TMEM123: variants seen among roughly 807,000 people sequenced by gnomAD.
TMEM123 encodes transmembrane protein 123.
In TMEM123, 16 loss-of-function variants were observed where a neutral mutation model predicts 19.7. The ratio of observed to expected loss-of-function variants is 0.81; its 90% CI spans 0.55 to 1.23. The LOEUF (loss-of-function observed/expected upper bound fraction) is 1.23, where lower values mean the gene tolerates loss of function less well. TMEM123 is among the 50% of genes most tolerant of loss of function. TMEM123 has a pLI of 0.00. For synonymous variants in TMEM123, 118 were observed against 99.4 expected, an observed-to-expected ratio of 1.19 and a Z score of -1.12; for missense variants, 313 against 257.8, an observed-to-expected ratio of 1.21 and a Z score of -1.47.
rs568394920 is a variant in TMEM123 at position 102,442,436 on chromosome 11, C to T, written c.157+6376G>A. 8.5e-4 allele frequency among the ~76,000 whole-genome samples: 130 copies of T among 152,132 alleles called. 1 individual carries two copies. Among genetic ancestry groups the T allele is most frequent in the South Asian group, 1.5e-3 (7 of 4,816 alleles). Reference sequence around the variant, plus strand: ...TAATCCAGCATATAAACAGAACCAACGACAAAAACCACATGATAATCTGAA... The same window carrying T: ...TAATCCAGCATATAAACAGAACCAATGACAAAAACCACATGATAATCTGAA... On this transcript the variant is annotated intron_variant, in intron 2 of 4. Coordinates refer to ENST00000398136, the MANE Select transcript of TMEM123 (RefSeq NM_052932.3).
chr11:102,447,458 C>T (rs1857895850), intron 2 of TMEM123, among the ~76,000 whole-genome samples: 1 of 152,174 alleles, frequency 6.6e-6, no homozygotes, highest in South Asian at 2.1e-4. Flanking sequence ...ACCTACCTCA[C>T]CACTGTTAAA....
intron 2 of TMEM123, among the ~76,000 whole-genome samples, chr11:102,421,936 T>C (rs1952090489): frequency 6.6e-6 from 1 of 152,238 alleles, no homozygotes; most frequent in Admixed American, 6.5e-5. Context: ...ATAAATGCCC[T>C]GAAGTGCTGT....
chr11:102,426,606 G>A lies in TMEM123; in HGVS notation c.157+22206C>T, dbSNP rs140774229. ...ACAAAACAAAAAGCTTAAAACCCTTGAGTGGAAAGTTATCTAAGAGCAATT... is the reference window on the plus strand; with the variant it reads ...ACAAAACAAAAAGCTTAAAACCCTTAAGTGGAAAGTTATCTAAGAGCAATT... On this transcript the variant is annotated intron_variant, in intron 2 of 4. Coordinates refer to ENST00000398136, the MANE Select transcript of TMEM123 (RefSeq NM_052932.3). Among the ~76,000 whole-genome samples the A allele has an allele frequency of 1.1e-4, 16 of 152,170 alleles. No homozygotes were observed. In the East Asian group the frequency reaches 3.1e-3, roughly 29 times the overall value.
At chr11:102,399,654 A>T (rs1338051432) in intron 4 of TMEM123, among the ~76,000 whole-genome samples, 2 of 152,198 alleles carry the variant, frequency 1.3e-5, no homozygotes, top group Admixed American at 6.5e-5. Flanking sequence ...ATGCAACGTA[A>T]CTTTAAATAT....
intron 1 of TMEM123, among the ~76,000 whole-genome samples, chr11:102,451,786 C>A (rs1259770225): frequency 6.6e-6 from 1 of 152,252 alleles, no homozygotes; most frequent in African/African-American, 2.4e-5. Context: ...GCAAAGTCAA[C>A]ATCATCCTGT....
intron 2 of TMEM123, among the ~76,000 whole-genome samples, chr11:102,413,242 A>T (rs1952018938): frequency 6.6e-6 from 1 of 152,238 alleles, no homozygotes; most frequent in Non-Finnish European, 1.5e-5. Context: ...CTTATACTTC[A>T]GAAGTTTCTA....
chr11:102,419,004 C>G (rs1262301859), intron 2 of TMEM123, among the ~76,000 whole-genome samples: 1 of 152,100 alleles, frequency 6.6e-6, no homozygotes. Context: ...ACACCAACAC[C>G]TGCCTGAGGG....
At chr11:102,401,363 A>G (rs1011285421) in intron 4 of TMEM123, among the ~76,000 whole-genome samples, 176 bp downstream of exon 4, 7 of 152,182 alleles carry the variant, frequency 4.6e-5, no homozygotes, top group Non-Finnish European at 1.0e-4. Flanking sequence ...GCAAATAATT[A>G]TAATCACAAG....
rs76054887 is a variant in TMEM123 at position 102,434,374 on chromosome 11, G to A, written c.157+14438C>T. Among the ~76,000 whole-genome samples, 1,446 of 151,828 alleles carry A rather than the reference G, an allele frequency of 9.5e-3. 28 individuals carry two copies. Among genetic ancestry groups the A allele is most frequent in the South Asian group, 0.025 (119 of 4,810 alleles). On this transcript the variant is annotated intron_variant, in intron 2 of 4. Coordinates refer to ENST00000398136, the MANE Select transcript of TMEM123 (RefSeq NM_052932.3). ...TCAGCAATTTCTCATGTAACTATTG[G>A]CTATCTGTATGTCTTCTTTTGAGAA... is the stretch of plus-strand genomic sequence containing the variant.
chr11:102,449,094 A>C lies in TMEM123; in HGVS notation c.101-226T>G, dbSNP rs553830376. 581 of 467,174 alleles carry C rather than the reference A, an allele frequency of 1.2e-3. 2 individuals carry two copies. Among genetic ancestry groups the C allele is most frequent in the Non-Finnish European group, 1.5e-3 (386 of 252,258 alleles). 28.9% of individuals were successfully genotyped at this position (467,174 alleles called of 1,614,324 possible). On this transcript the variant is annotated intron_variant, in intron 1 of 4. Coordinates refer to ENST00000398136, the MANE Select transcript of TMEM123 (RefSeq NM_052932.3). Reference sequence around the variant, plus strand: ...AAGATAAACATCTAGCTTACATAACAAACACTTACATAGTACTTACTATAT... The same window carrying C: ...AAGATAAACATCTAGCTTACATAACCAACACTTACATAGTACTTACTATAT...
chr11:102,440,974 C>A lies in TMEM123; in HGVS notation c.157+7838G>T, dbSNP rs537731199. On this transcript the variant is annotated intron_variant, in intron 2 of 4. Transcript: ENST00000398136. Reference sequence around the variant, plus strand: ...GCCATTACATAATGGTAAAGGGATCCATTCAACAAGAAGAGCTAACTATCC... The same window carrying A: ...GCCATTACATAATGGTAAAGGGATCAATTCAACAAGAAGAGCTAACTATCC... 3.9e-4 allele frequency among the ~76,000 whole-genome samples: 59 copies of A among 152,200 alleles called. 1 individual carries two copies. The highest frequency in any genetic ancestry group is 3.4e-3 in the Middle Eastern group (1 of 294).
Position 102,397,991 on chromosome 11 carries a change from ATAAAAT to A in TMEM123, c.*870_*875del, listed in dbSNP as rs1951876107. The stretch of plus-strand genomic sequence containing the variant: ...ACAGTTCTTAAAATATTCACAAAAT[ATAAAAT>A]TAAAATTAAATGAACTAAAGTAACT... On this transcript the variant is annotated 3_prime_UTR_variant, in exon 5 of 5. Coordinates refer to ENST00000398136, the MANE Select transcript of TMEM123 (RefSeq NM_052932.3). The A allele has an allele frequency of 6.6e-6, 1 of 152,358 alleles. No individual in the cohort carries two copies. The highest frequency in any genetic ancestry group is 2.1e-4 in the South Asian group (1 of 4,824). 9.4% of individuals were successfully genotyped at this position (152,358 alleles called of 1,614,324 possible). A position where few individuals can be genotyped will look rare whatever the true frequency, so the allele number is the denominator to read the frequency against.
At chr11:102,430,158 A>G (rs1857681100) in intron 2 of TMEM123, among the ~76,000 whole-genome samples, 1 of 152,208 alleles carries the variant, frequency 6.6e-6, no homozygotes, top group African/African-American at 2.4e-5. Context: ...AACTGTGGCA[A>G]TTCTCCCCTG....
chr11:102,407,174 G>T (rs1027488020), intron 2 of TMEM123, among the ~76,000 whole-genome samples: 1 of 152,232 alleles, frequency 6.6e-6, no homozygotes, highest in Admixed American at 6.5e-5. Flanking sequence ...GTGAGGAGAA[G>T]AGGTGGAACA....
intron 2 of TMEM123, among the ~76,000 whole-genome samples, chr11:102,428,704 T>A (rs1952149939): frequency 6.6e-6 from 1 of 152,176 alleles, no homozygotes; most frequent in Non-Finnish European, 1.5e-5. Context: ...AATTACTTTA[T>A]AAAGCTAACT....
Position 102,402,139 on chromosome 11 carries a change from A to G in TMEM123, c.225T>C (p.Thr75=), listed in dbSNP as rs774286320. The change falls in exon 3 of 5, where the codon ACT becomes ACC. Residue 75 remains threonine (T), a synonymous_variant. Coordinates refer to ENST00000398136, the MANE Select transcript of TMEM123 (RefSeq NM_052932.3). ...TATTACTGGAGTCTGAGGCAACTGA[A>G]GTTGGTGGTTTCACAGTACTGTTGG... ...ETSNSTVKPP[T]SVASDSSNTT... 4.3e-6 allele frequency: 7 copies of G among 1,614,152 alleles called. No homozygotes were observed. The highest frequency in any genetic ancestry group is 5.9e-6 in the Non-Finnish European group (7 of 1,180,026).
intron 2 of TMEM123, among the ~76,000 whole-genome samples, chr11:102,424,351 T>C (rs1167362057): frequency 6.6e-6 from 1 of 152,238 alleles, no homozygotes; most frequent in African/African-American, 2.4e-5. Flanking sequence ...GTATTCCATA[T>C]ACTTTATAGA....
chr11:102,402,541 C>T (rs2135842156), intron 2 of TMEM123, among the ~76,000 whole-genome samples: 1 of 152,014 alleles, frequency 6.6e-6, no homozygotes, highest in South Asian at 2.1e-4. Context: ...TTTCATATCA[C>T]ATAATAGGCT....
At chr11:102,447,977 A>G (rs1857901176) in intron 2 of TMEM123, among the ~76,000 whole-genome samples, 1 of 152,254 alleles carries the variant, frequency 6.6e-6, no homozygotes, top group South Asian at 2.1e-4. Flanking sequence ...TTACTTATGT[A>G]TTTTATGTCA....
Sources: gnomAD v4.1 joint callset for allele counts (sites outside exome capture counted in the v4.1 genomes callset) on GRCh38, gnomAD v4.1.1 for gene constraint, MANE v1.5 for transcripts, NCBI Gene and HGNC (gene_info 2026-07-23, HGNC 2026-07-21) for gene names.